The following FAM90A20 variants were observed in gnomAD, a reference collection of about 807,000 sequenced individuals.
The protein encoded by FAM90A20 is family with sequence similarity 90 member A20, also known as protein FAM90A20.
the FAM90A20 span, chr8:7,297,450 C>T: frequency 6.4e-7 from 1 of 1,552,984 alleles, no homozygotes; most frequent in Non-Finnish European, 8.7e-7. Flanking sequence ...CCATCAGCCG[C>T]CACACACAGC....
At chr8:7,296,645 A>C in the FAM90A20 span, among the ~76,000 whole-genome samples, 1 of 135,082 alleles carries the variant, frequency 7.4e-6, no homozygotes, top group East Asian at 2.0e-4. Flanking sequence ...TAGCGGCATG[A>C]GGAAATTAGT....
the FAM90A20 span, chr8:7,297,240 C>T: frequency 3.3e-5 from 49 of 1,490,080 alleles, 5 homozygotes; most frequent in South Asian, 4.5e-4. Context: ...GAAAGACAGA[C>T]AGGGGCTGCC....
chr8:7,296,501 C>G, the FAM90A20 span: 3 of 647,328 alleles, frequency 4.6e-6, no homozygotes, highest in Non-Finnish European at 5.7e-6. Flanking sequence ...ACCCCTCTTT[C>G]TTGTCTTCTT....
the FAM90A20 span, chr8:7,297,781 C>T: frequency 3.6e-6 from 5 of 1,401,534 alleles, no homozygotes; most frequent in Non-Finnish European, 4.9e-6. Flanking sequence ...ACCCAGCGGC[C>T]AGCCATGATG....
chr8:7,297,238 G>C, the FAM90A20 span: 2 of 1,495,096 alleles, frequency 1.3e-6, no homozygotes, highest in Non-Finnish European at 1.8e-6. Context: ...AGGAAAGACA[G>C]ACAGGGGCTG....
chr8:7,297,074 C>T, the FAM90A20 span: 5 of 1,505,492 alleles, frequency 3.3e-6, 1 homozygote, highest in Non-Finnish European at 2.7e-6. Context: ...TGCAAGGGGG[C>T]CAATGCCGGT....
the FAM90A20 span, among the ~76,000 whole-genome samples, chr8:7,295,299 C>G: frequency 2.6e-5 from 1 of 38,318 alleles, no homozygotes; most frequent in Non-Finnish European, 4.3e-5. Context: ...GACCTTCTCC[C>G]CGGCCCGATA....
At chr8:7,297,756 G>A in the FAM90A20 span, 55 of 1,478,226 alleles carry the variant, frequency 3.7e-5, 5 homozygotes, top group South Asian at 5.4e-4. Context: ...GCCCAGGCCT[G>A]CACCATGTCC....
At chr8:7,297,509 G>T in the FAM90A20 span, 20 of 1,512,854 alleles carry the variant, frequency 1.3e-5, 1 homozygote, top group Admixed American at 1.7e-4. Flanking sequence ...CAAGAGACCT[G>T]CCCAGGCTCC....
At chr8:7,296,778 C>T in the FAM90A20 span, among the ~76,000 whole-genome samples, 1 of 136,148 alleles carries the variant, frequency 7.3e-6, no homozygotes, top group Non-Finnish European at 1.5e-5. Flanking sequence ...CGTTCCACTT[C>T]ATGGAAGGCT....
chr8:7,295,621 C>A, the FAM90A20 span: 2 of 649,908 alleles, frequency 3.1e-6, 1 homozygote, highest in South Asian at 3.0e-5. Flanking sequence ...CACTTCCTTT[C>A]CACCCACAGC....
the FAM90A20 span, chr8:7,297,422 G>C: frequency 3.2e-6 from 5 of 1,555,198 alleles, 1 homozygote; most frequent in South Asian, 4.4e-5. Flanking sequence ...ACGTCCTGCG[G>C]TGACCTCACA....
the FAM90A20 span, chr8:7,296,917 A>T: frequency 3.5e-5 from 24 of 679,696 alleles, 3 homozygotes; most frequent in East Asian, 1.4e-4. Flanking sequence ...ACTCAGGTGG[A>T]GGGTCTGTCC....
the FAM90A20 span, chr8:7,298,020 A>T: frequency 3.0e-6 from 2 of 661,316 alleles, no homozygotes; most frequent in Non-Finnish European, 2.5e-6. Context: ...TCTGACCTGG[A>T]GTGAGACTGC....
the FAM90A20 span, chr8:7,297,828 A>G: frequency 9.4e-7 from 1 of 1,060,732 alleles, no homozygotes; most frequent in Non-Finnish European, 1.4e-6. Context: ...CGGAGACTGG[A>G]AAACGGACGC....
chr8:7,296,505 T>A, the FAM90A20 span: 8 of 642,540 alleles, frequency 1.2e-5, no homozygotes, highest in African/African-American at 2.7e-5. Context: ...CTCTTTCTTG[T>A]CTTCTTGGGG....
the FAM90A20 span, chr8:7,296,271 C>T: frequency 4.2e-6 from 3 of 718,132 alleles, no homozygotes; most frequent in South Asian, 2.8e-5. Context: ...CACGGCCTGA[C>T]CTTTTTCTGT....
chr8:7,297,773 C>T, the FAM90A20 span: 5,883 of 1,438,408 alleles, frequency 4.1e-3, 435 homozygotes, highest in South Asian at 0.013. Context: ...GTCCCATCAC[C>T]CAGCGGCCAG....
At chr8:7,296,167 A>C in the FAM90A20 span, 1 of 637,556 alleles carries the variant, frequency 1.6e-6, no homozygotes, top group Non-Finnish European at 2.8e-6. Flanking sequence ...CAGAGGCGGA[A>C]AGGGCACCAG....
Sources: allele counts gnomAD v4.1 joint callset (sites outside exome capture counted in the v4.1 genomes callset), GRCh38; gene constraint gnomAD v4.1.1; transcripts MANE v1.5; gene names NCBI Gene and HGNC (gene_info 2026-07-23, HGNC 2026-07-21).